Variants in MATCAP2 observed in about 807,000 individuals in gnomAD.
The protein encoded by MATCAP2 is microtubule associated tyrosine carboxypeptidase 2, also known as putative tyrosine carboxypeptidase MATCAP2.
At chr7:36,377,517 T>C in the MATCAP2 span, among the ~76,000 whole-genome samples, 1 of 152,350 alleles carries the variant, frequency 6.6e-6, no homozygotes, top group South Asian at 2.1e-4. Flanking sequence ...GACCTTTCTC[T>C]CTGGCTGCCC....
the MATCAP2 span, among the ~76,000 whole-genome samples, chr7:36,387,630 T>A: frequency 6.6e-6 from 1 of 152,324 alleles, no homozygotes; most frequent in East Asian, 1.9e-4. Context: ...AGTTATTTAA[T>A]TGTGATGGTT....
At chr7:36,328,999 C>T in the MATCAP2 span, among the ~76,000 whole-genome samples, 12 of 151,828 alleles carry the variant, frequency 7.9e-5, no homozygotes, top group African/African-American at 1.5e-4. Context: ...GCCAAGATCG[C>T]GCCATTGCAC....
At chr7:36,341,773 G>A in the MATCAP2 span, among the ~76,000 whole-genome samples, 2 of 152,158 alleles carry the variant, frequency 1.3e-5, no homozygotes, top group East Asian at 3.9e-4. Flanking sequence ...CTTCCACCAT[G>A]TGAGGACACA....
chr7:36,357,225 G>A, the MATCAP2 span: 1 of 1,614,100 alleles, frequency 6.2e-7, no homozygotes, highest in Non-Finnish European at 8.5e-7. Context: ...AACTTTACAG[G>A]ACTTGACACT....
the MATCAP2 span, chr7:36,357,428 C>A: frequency 6.2e-7 from 1 of 1,613,964 alleles, no homozygotes; most frequent in African/African-American, 1.3e-5. Context: ...TTCCTCCTTG[C>A]TCTGTAGTAG....
the MATCAP2 span, among the ~76,000 whole-genome samples, chr7:36,362,104 A>G: frequency 6.6e-6 from 1 of 152,232 alleles, no homozygotes; most frequent in Non-Finnish European, 1.5e-5. Flanking sequence ...TGGGCTGCAC[A>G]TTTAAGACTT....
the MATCAP2 span, chr7:36,330,947 G>T: frequency 8.1e-7 from 1 of 1,235,422 alleles, no homozygotes; most frequent in Non-Finnish European, 1.2e-6. Context: ...CTGATCTGGG[G>T]TGTTCGGGGA....
chr7:36,366,316 T>C, the MATCAP2 span, among the ~76,000 whole-genome samples: 13 of 152,326 alleles, frequency 8.5e-5, no homozygotes, highest in African/African-American at 3.1e-4. Context: ...AGTCAAGTTC[T>C]GTGCTCCCAG....
chr7:36,335,326 C>T, the MATCAP2 span: 2 of 760,182 alleles, frequency 2.6e-6, no homozygotes, highest in Non-Finnish European at 2.2e-6. Flanking sequence ...AAGGAATGTG[C>T]AGCCAAACCA....
chr7:36,349,454 G>A, the MATCAP2 span, among the ~76,000 whole-genome samples: 1 of 152,118 alleles, frequency 6.6e-6, no homozygotes, highest in South Asian at 2.1e-4. Context: ...CACTGACTGT[G>A]CCTTCAATGA....
chr7:36,367,172 C>A, the MATCAP2 span: 1 of 1,203,522 alleles, frequency 8.3e-7, no homozygotes. Flanking sequence ...CACACGGCGG[C>A]CTTACGGTGC....
chr7:36,347,005 C>T, the MATCAP2 span, among the ~76,000 whole-genome samples: 6 of 152,116 alleles, frequency 3.9e-5, no homozygotes, highest in Admixed American at 6.5e-5. Context: ...ATGATCCACC[C>T]ACCTTGGCCC....
chr7:36,329,604 GA>G, the MATCAP2 span, among the ~76,000 whole-genome samples: 1 of 152,140 alleles, frequency 6.6e-6, no homozygotes. Context: ...TGAAAAAGTT[GA>G]ATAAAGTAAG....
chr7:36,333,068 C>T, the MATCAP2 span, among the ~76,000 whole-genome samples: 1 of 152,322 alleles, frequency 6.6e-6, no homozygotes, highest in South Asian at 2.1e-4. Context: ...GAAGGGGTGG[C>T]AGTGGGCACA....
the MATCAP2 span, among the ~76,000 whole-genome samples, chr7:36,389,141 A>C: frequency 6.6e-6 from 1 of 151,762 alleles, no homozygotes; most frequent in African/African-American, 2.4e-5. Context: ...TGCAACCTCC[A>C]CCTCCCGGGT....
At chr7:36,344,895 G>A in the MATCAP2 span, among the ~76,000 whole-genome samples, 3 of 152,040 alleles carry the variant, frequency 2.0e-5, no homozygotes, top group Non-Finnish European at 2.9e-5. Context: ...TAAGAATAGC[G>A]ACATAAGTAG....
At chr7:36,331,818 T>A in the MATCAP2 span, among the ~76,000 whole-genome samples, 1 of 152,244 alleles carries the variant, frequency 6.6e-6, no homozygotes, top group Non-Finnish European at 1.5e-5. Context: ...TCTATTAAAT[T>A]AATTAAAATT....
chr7:36,366,913 C>T, the MATCAP2 span: 1 of 1,450,402 alleles, frequency 6.9e-7, no homozygotes, highest in South Asian at 1.4e-5. Flanking sequence ...TCCCGGCACT[C>T]ACCCGTCACG....
chr7:36,337,098 C>CAAAAAAAAAAAAAAA, the MATCAP2 span, among the ~76,000 whole-genome samples: 762 of 18,524 alleles, frequency 0.041, 254 homozygotes, highest in African/African-American at 0.064. Context: ...AACTCCATCT[C>CAAAAAAAAAAAAAAA]AAAAAAAAAA....
Sources: gnomAD v4.1 joint callset for allele counts (sites outside exome capture counted in the v4.1 genomes callset) on GRCh38, gnomAD v4.1.1 for gene constraint, MANE v1.5 for transcripts, NCBI Gene and HGNC (gene_info 2026-07-23, HGNC 2026-07-21) for gene names.